WNK1: variants seen among roughly 807,000 people sequenced by gnomAD.
WNK1 encodes WNK lysine deficient protein kinase 1, also known as serine/threonine-protein kinase WNK1.
Under a neutral mutation model 222.8 loss-of-function variants are expected in WNK1, and 38 were observed. The observed-to-expected ratio is 0.17, with a 90% CI of 0.13 to 0.22. WNK1 has a LOEUF of 0.22. Ranked by LOEUF, WNK1 falls within the 10% of genes least tolerant of loss-of-function variation. The pLI is 1.00. For synonymous variants in WNK1, 1,090 were observed against 1,092.9 expected (o/e 1.00, Z 0.05); for missense variants, 2,348 against 2,918.4 (o/e 0.80, Z 4.50).
Position 753,565 on chromosome 12 carries a change from C to G in WNK1, c.-1C>G. 6.2e-7 allele frequency: 1 copy of G among 1,612,458 alleles called. No individual in the cohort carries two copies. The highest frequency in any genetic ancestry group is 8.5e-7 in the Non-Finnish European group (1 of 1,179,936). ...GCTCGCCTCTCTCCAGCGAACCGAC[C>G]ATGTCTGGCGGCGCCGCAGAGAAGC... On this transcript the variant is annotated 5_prime_UTR_variant, in exon 1 of 28. Transcript: ENST00000315939. The surrounding 1 kb of genome is among the most constrained non-coding windows in gnomAD (Gnocchi z 5.2).
In WNK1 at chr12:878,252, T is replaced by A. The variant is rs760894152; in HGVS notation, c.2264T>A (p.Val755Glu). 2.5e-6 allele frequency: 4 copies of A among 1,614,148 alleles called. No homozygotes were observed. In the Admixed American group the frequency reaches 5.0e-5, roughly 20 times the overall value. The change falls in exon 10 of 28, where the codon GTG becomes GAG. Residue 755 changes from valine (V) to glutamate (E), a missense_variant. Val to Glu is a moderately radical substitution (Grantham distance 121). Transcript: ENST00000315939. ...IQQTAPPQQT[V>E]QYSLSQTSTS... is the part of the protein sequence containing the mutation. The stretch of plus-strand genomic sequence containing the variant: ...CAGACAGCCCCTCCTCAACAGACAG[T>A]GCAGTATTCACTTTCACAGACATCA...
intron 1 of WNK1, among the ~76,000 whole-genome samples, chr12:773,037 T>A (rs1287346941): frequency 6.6e-6 from 1 of 152,158 alleles, no homozygotes; most frequent in Non-Finnish European, 1.5e-5. Flanking sequence ...GGCGGGCAGA[T>A]CACCTGAGGT....
In WNK1 at chr12:911,044, A is replaced by G; in HGVS notation, c.*2252A>G. 2.8e-6 allele frequency: 1 copy of G among 353,490 alleles called. No individual in the cohort carries two copies. Among genetic ancestry groups the G allele is most frequent in the Non-Finnish European group, 5.0e-6 (1 of 199,392 alleles). The allele number at this position is 353,490 out of a possible 1,614,324, so 21.9% of individuals were successfully genotyped here. A position where few individuals can be genotyped will look rare whatever the true frequency, so the allele number is the denominator to read the frequency against. On this transcript the variant is annotated 3_prime_UTR_variant, in exon 28 of 28. Coordinates refer to ENST00000315939, the MANE Select transcript of WNK1 (RefSeq NM_018979.4). ...ACATTATCATTTGTTATTTGGGTTT[A>G]ATAATAATTTTGACATCTTTTCACT...
rs533159951 is a variant in WNK1, at chr12:880,633, T to G, written c.2833-88T>G. 4,210 of 1,297,564 alleles carry G rather than the reference T, an allele frequency of 3.2e-3. 29 individuals carry two copies. The highest frequency in any genetic ancestry group is 1.0e-2 in the South Asian group (821 of 82,160). 80.4% of individuals were successfully genotyped at this position (1,297,564 alleles called of 1,614,324 possible). ...CTACTATTCTTCTTTGCTGTGTGCT[T>G]CTTTTTTTTTTTTTTGCATGTCTTG... is the stretch of plus-strand genomic sequence containing the variant. On this transcript the variant is annotated intron_variant, in intron 11 of 27. Coordinates refer to ENST00000315939, the MANE Select transcript of WNK1 (RefSeq NM_018979.4).
chr12:851,198 A>G (rs1950394618), intron 4 of WNK1, among the ~76,000 whole-genome samples: 1 of 152,168 alleles, frequency 6.6e-6, no homozygotes, highest in Admixed American at 6.6e-5. Flanking sequence ...TCGTTTGGCT[A>G]CATATTCTGA....
At chr12:766,159 C>CGATA (rs1185905616) in intron 1 of WNK1, among the ~76,000 whole-genome samples, 9 of 151,886 alleles carry the variant, frequency 5.9e-5, no homozygotes, top group Admixed American at 3.3e-4. Context: ...GGTGATAAGG[C>CGATA]GATAAGGTTA....
rs1197980652 is a variant in WNK1 at position 909,547 on chromosome 12, AAGCT to A, written c.*760_*763del. The A allele has an allele frequency of 6.6e-5, 10 of 152,352 alleles. No individual in the cohort carries two copies. The South Asian group carries it at 2.1e-3, about 32-fold the overall frequency. The allele number at this position is 152,352 out of a possible 1,614,324, so 9.4% of individuals were successfully genotyped here. A position where few individuals can be genotyped will look rare whatever the true frequency, so the allele number is the denominator to read the frequency against. On this transcript the variant is annotated 3_prime_UTR_variant, in exon 28 of 28. Coordinates refer to ENST00000315939, the MANE Select transcript of WNK1 (RefSeq NM_018979.4). ...TGAAACGTTTAAAAAGTTCCAAAAA[AAGCT>A]AGCTCTGTCCTTTACTTATTGAGAC... is the stretch of plus-strand genomic sequence containing the variant.
intron 1 of WNK1, among the ~76,000 whole-genome samples, chr12:801,426 TGTGTGTG>T (rs1945861636): frequency 3.3e-5 from 1 of 30,444 alleles, no homozygotes; most frequent in South Asian, 9.2e-4. Context: ...TTTTTCTTTG[TGTGTGTG>T]TGTGTGTGTG....
chr12:884,058 A>T lies in WNK1; in HGVS notation c.3722-63A>T. On this transcript the variant is annotated intron_variant, in intron 17 of 27. Coordinates refer to ENST00000315939, the MANE Select transcript of WNK1 (RefSeq NM_018979.4). The surrounding 1 kb of genome is among the most constrained non-coding windows in gnomAD (Gnocchi z 5.6). Reference sequence around the variant, plus strand: ...AAGCAGTTGTATGTGCCAATAATGAAGTCTAACAATATTTATAATAATAAT... The same window carrying T: ...AAGCAGTTGTATGTGCCAATAATGATGTCTAACAATATTTATAATAATAAT... 6.2e-7 allele frequency: 1 copy of T among 1,607,082 alleles called. No individual in the cohort carries two copies. Among genetic ancestry groups the T allele is most frequent in the Non-Finnish European group, 8.5e-7 (1 of 1,175,012 alleles).
chr12:882,055 A>C lies in WNK1; in HGVS notation c.3354A>C (p.Pro1118=), dbSNP rs549781052. The C allele has an allele frequency of 8.7e-6, 14 of 1,613,042 alleles. No homozygotes were observed. The highest frequency in any genetic ancestry group is 5.0e-5 in the Admixed American group (3 of 59,894). ...SRSRHEKTSR[P]KLRILNVSNK... ...CTCGACATGAAAAAACTTCACGCCC[A>C]AAATTAAGAATTTTGAATGTAAGTA... Residue 1118 remains proline (P), a synonymous_variant, in exon 14 of 28, where the codon CCA becomes CCC. Coordinates refer to ENST00000315939, the MANE Select transcript of WNK1 (RefSeq NM_018979.4).
intron 23 of WNK1, 134 bp from the exon 24 acceptor site, chr12:895,937 C>A: frequency 8.6e-7 from 1 of 1,160,692 alleles, no homozygotes; most frequent in Non-Finnish European, 1.2e-6. Flanking sequence ...AAAGTGGAGG[C>A]GCTATGTAAA....
intron 22 of WNK1, 54 bp from the exon 23 acceptor site, chr12:894,508 G>T (rs2154093304): frequency 1.4e-6 from 2 of 1,468,096 alleles, no homozygotes; most frequent in South Asian, 1.1e-5. Flanking sequence ...AAAGGGAAAA[G>T]AAGTTAACTG....
rs772441387 is a variant in WNK1, at chr12:897,637, C to A, written c.6404C>A (p.Ser2135Tyr). Reference sequence around the variant, plus strand: ...CCCACTAAAAGCAAAGGCAGCAAATCTAGTCGAAGCAGTTCCTTGGGGAAT... The same window carrying A: ...CCCACTAAAAGCAAAGGCAGCAAATATAGTCGAAGCAGTTCCTTGGGGAAT... ...RRPTKSKGSK[S>Y]SRSSSLGNKS... The change falls in exon 25 of 28, where the codon TCT (serine) becomes TAT (tyrosine). Residue 2135 changes from serine to tyrosine, a missense_variant. By Grantham distance (144) the Ser-to-Tyr change is moderately radical. Coordinates refer to ENST00000315939, the MANE Select transcript of WNK1 (RefSeq NM_018979.4). 6 of 1,614,234 alleles carry A rather than the reference C, an allele frequency of 3.7e-6. No individual in the cohort carries two copies. The highest frequency in any genetic ancestry group is 1.1e-5 in the South Asian group (1 of 91,092).
intron 9 of WNK1, among the ~76,000 whole-genome samples, chr12:874,125 C>T (rs1174803187): frequency 1.3e-5 from 2 of 151,718 alleles, no homozygotes; most frequent in Non-Finnish European, 2.9e-5. Context: ...CACCATACTC[C>T]AGCCTGGGCA....
At position 871,282 on chromosome 12, in the gene WNK1, G is replaced by A. The variant is rs1952123296; in HGVS notation, c.2157G>A (p.Gln719=). The change falls in exon 9 of 28, where the codon CAG becomes CAA. Residue 719 remains glutamine, a synonymous_variant. Coordinates refer to ENST00000315939, the MANE Select transcript of WNK1 (RefSeq NM_018979.4). ...TCCTTCAGGCACAGGGGCAGAGCCA[G>A]GGTCAGCCATCCTCAAGTAGCTTAA... The part of the protein sequence containing the change: ...PPSSVAQGQS[Q]GQPSSSSLTG... 6.8e-6 allele frequency: 11 copies of A among 1,614,194 alleles called. No homozygotes were observed. The highest frequency in any genetic ancestry group is 9.3e-6 in the Non-Finnish European group (11 of 1,180,032).
chr12:805,801 TC>T (rs1339929482), intron 1 of WNK1, among the ~76,000 whole-genome samples: 2 of 152,172 alleles, frequency 1.3e-5, no homozygotes, highest in Non-Finnish European at 2.9e-5. Flanking sequence ...GTAATATGAT[TC>T]AAAAAACAAA....
chr12:777,509 G>T (rs1943248808), intron 1 of WNK1, among the ~76,000 whole-genome samples: 1 of 152,144 alleles, frequency 6.6e-6, no homozygotes, highest in South Asian at 2.1e-4. Flanking sequence ...TGAAAGATAT[G>T]ATTTTGTCAT....
intron 3 of WNK1, among the ~76,000 whole-genome samples, chr12:828,504 T>C (rs1196723952): frequency 6.6e-6 from 1 of 152,132 alleles, no homozygotes; most frequent in Non-Finnish European, 1.5e-5. Flanking sequence ...AGGGGCTGTC[T>C]TGTACGTTGT....
chr12:803,860 T>G (rs1946104530), intron 1 of WNK1, among the ~76,000 whole-genome samples: 1 of 152,246 alleles, frequency 6.6e-6, no homozygotes, highest in Non-Finnish European at 1.5e-5. Flanking sequence ...TTTTCTAATG[T>G]GTACAGTGAC....
Sources: gnomAD v4.1 joint callset for allele counts (sites outside exome capture counted in the v4.1 genomes callset) on GRCh38, gnomAD v4.1.1 for gene constraint, Gnocchi (gnomAD v3.1) non-coding constraint, MANE v1.5 for transcripts, NCBI Gene and HGNC (gene_info 2026-07-23, HGNC 2026-07-21) for gene names.